Variants in PLCXD3 observed in about 807,000 individuals in gnomAD.
PLCXD3 encodes PI-PLC X domain-containing protein 3.
A neutral mutation model predicts 25.5 loss-of-function variants in PLCXD3; 19 were observed. That is an observed-to-expected ratio of 0.75 (90% CI 0.52 to 1.09). The LOEUF is 1.09. Ranked by LOEUF, PLCXD3 falls within the 50% of genes least tolerant of loss-of-function variation. The probability of loss-of-function intolerance (pLI) is 0.00; values close to 1 mark genes in which losing one functional copy is unlikely to be tolerated. For synonymous variants in PLCXD3, 174 were observed against 137.6 expected (o/e 1.26, Z -1.85); for missense variants, 411 against 388.1 (o/e 1.06, Z -0.50).
intron 1 of PLCXD3, among the ~76,000 whole-genome samples, chr5:41,401,199 AAAGTTTTATTTTTT>A (rs1409936931): frequency 6.6e-6 from 1 of 151,988 alleles, no homozygotes; most frequent in Non-Finnish European, 1.5e-5. Flanking sequence ...TTAAACAGCA[AAAGTTTTATTTTTT>A]ATGAAATTCA....
intron 1 of PLCXD3, among the ~76,000 whole-genome samples, chr5:41,491,930 T>G (rs1319021329): frequency 6.6e-6 from 1 of 152,228 alleles, no homozygotes; most frequent in South Asian, 2.1e-4. Flanking sequence ...TTTAGTCCAT[T>G]TACATTTAAA....
At chr5:41,421,762 GGAAAGC>G (rs1190915206) in intron 1 of PLCXD3, among the ~76,000 whole-genome samples, 1 of 148,688 alleles carries the variant, frequency 6.7e-6, no homozygotes, top group Non-Finnish European at 1.5e-5. Flanking sequence ...TTAGATGAAT[GGAAAGC>G]TTAAATATAC....
intron 2 of PLCXD3, among the ~76,000 whole-genome samples, chr5:41,373,120 C>T (rs558199106): frequency 6.6e-6 from 1 of 152,042 alleles, no homozygotes; most frequent in Admixed American, 6.6e-5. Flanking sequence ...GTTATACCCC[C>T]TTCTTCACTA....
intron 1 of PLCXD3, among the ~76,000 whole-genome samples, chr5:41,412,507 T>A (rs577106593): frequency 5.9e-5 from 9 of 152,312 alleles, no homozygotes; most frequent in Admixed American, 2.0e-4. Flanking sequence ...CAGAGTTGTG[T>A]ACCTAACTTA....
chr5:41,497,515 T>C (rs1748867940), intron 1 of PLCXD3, among the ~76,000 whole-genome samples: 1 of 151,674 alleles, frequency 6.6e-6, no homozygotes, highest in African/African-American at 2.4e-5. Flanking sequence ...GCACACCCAA[T>C]ATCAGAACAC....
At chr5:41,342,196 C>T (rs973380991) in intron 2 of PLCXD3, among the ~76,000 whole-genome samples, 1 of 152,072 alleles carries the variant, frequency 6.6e-6, no homozygotes, top group Admixed American at 6.6e-5. Context: ...TCAGAGTATC[C>T]TACTTTGGAA....
chr5:41,396,446 G>C (rs1447606159), intron 1 of PLCXD3, among the ~76,000 whole-genome samples: 1 of 152,126 alleles, frequency 6.6e-6, no homozygotes, highest in Non-Finnish European at 1.5e-5. Context: ...ATGTGGAACT[G>C]TGAGTCAATT....
At chr5:41,330,772 G>C (rs1242368284) in intron 2 of PLCXD3, among the ~76,000 whole-genome samples, 3 of 152,226 alleles carry the variant, frequency 2.0e-5, no homozygotes, top group African/African-American at 7.2e-5. Context: ...TCATCCCTGG[G>C]ATGCAAGGCT....
At chr5:41,340,941 T>C (rs1458060409) in intron 2 of PLCXD3, among the ~76,000 whole-genome samples, 1 of 152,154 alleles carries the variant, frequency 6.6e-6, no homozygotes, top group African/African-American at 2.4e-5. Context: ...TTTTAGGAGA[T>C]GAAAAAGTTT....
chr5:41,381,802 C>T, intron 2 of PLCXD3, 24 bp downstream of exon 2: 1 of 1,568,666 alleles, frequency 6.4e-7, no homozygotes, highest in Non-Finnish European at 8.6e-7. Context: ...TGAGGTTTCC[C>T]CCTGACATTT....
Position 41,311,377 on chromosome 5 carries a change from C to A in PLCXD3, c.*2240G>T, listed in dbSNP as rs1561227168. 2 of 152,024 alleles carry A rather than the reference C, an allele frequency of 1.3e-5. No homozygotes were observed. The highest frequency in any genetic ancestry group is 4.8e-5 in the African/African-American group (2 of 41,418). The allele number at this position is 152,024 out of a possible 1,614,324, so 9.4% of individuals were successfully genotyped here. On this transcript the variant is annotated 3_prime_UTR_variant, in exon 3 of 3. Transcript: ENST00000377801. ...AATAATTAAGTCCTACACTAGAATT[C>A]TTTTACAAAAATACTTTGATGTGAT...
chr5:41,339,390 G>A (rs1345289301), intron 2 of PLCXD3, among the ~76,000 whole-genome samples: 7 of 152,100 alleles, frequency 4.6e-5, no homozygotes, highest in Admixed American at 4.6e-4. Context: ...AGCCATCTGA[G>A]TAAGTCTCTT....
intron 1 of PLCXD3, among the ~76,000 whole-genome samples, chr5:41,445,000 T>G (rs1469040485): frequency 6.6e-6 from 1 of 152,228 alleles, no homozygotes; most frequent in East Asian, 1.9e-4. Flanking sequence ...GATGCTCTTT[T>G]GTCAACATAT....
At chr5:41,354,025 C>A (rs1391866472) in intron 2 of PLCXD3, among the ~76,000 whole-genome samples, 1 of 152,170 alleles carries the variant, frequency 6.6e-6, no homozygotes, top group African/African-American at 2.4e-5. Flanking sequence ...TTCCTCTAGA[C>A]TTTTTTCTAT....
At chr5:41,352,831 A>G (rs1382000113) in intron 2 of PLCXD3, among the ~76,000 whole-genome samples, 3 of 152,114 alleles carry the variant, frequency 2.0e-5, no homozygotes, top group Admixed American at 6.5e-5. Flanking sequence ...AGTTCTAAAG[A>G]GTGGAGTTAA....
intron 2 of PLCXD3, among the ~76,000 whole-genome samples, chr5:41,359,761 G>A (rs1209460117): frequency 6.6e-6 from 1 of 151,788 alleles, no homozygotes; most frequent in Non-Finnish European, 1.5e-5. Context: ...CTTACGCTGG[G>A]TTCTTGTTTC....
At chr5:41,432,294 C>T (rs1363117661) in intron 1 of PLCXD3, among the ~76,000 whole-genome samples, 3 of 152,150 alleles carry the variant, frequency 2.0e-5, no homozygotes, top group Admixed American at 1.3e-4. Context: ...TTGTGCTAAT[C>T]GAGCTTCTTT....
chr5:41,376,646 G>A (rs903876532), intron 2 of PLCXD3, among the ~76,000 whole-genome samples: 12 of 152,038 alleles, frequency 7.9e-5, no homozygotes, highest in Non-Finnish European at 2.9e-5. Flanking sequence ...CTATCCCAGT[G>A]CTTTTTGTCA....
chr5:41,381,617 C>G (rs1023633299), intron 2 of PLCXD3, among the ~76,000 whole-genome samples: 2 of 151,970 alleles, frequency 1.3e-5, no homozygotes, highest in African/African-American at 4.8e-5. Flanking sequence ...AGGAACCAAC[C>G]CTGCTGACAT....
Sources: allele counts gnomAD v4.1 joint callset (sites outside exome capture counted in the v4.1 genomes callset), GRCh38; gene constraint gnomAD v4.1.1; transcripts MANE v1.5; gene names NCBI Gene and HGNC (gene_info 2026-07-23, HGNC 2026-07-21).